The following SIK2 variants were observed in gnomAD, a reference collection of about 807,000 sequenced individuals.
SIK2 encodes the protein salt inducible kinase 2.
Under a neutral mutation model 103.2 loss-of-function variants are expected in SIK2, and 29 were observed. The observed-to-expected ratio is 0.28, with a 90% confidence interval of 0.21 to 0.38. The LOEUF is 0.38. Among genes scored for constraint, SIK2 ranks in the 10% least tolerant of loss-of-function variants. The pLI is 1.00. For missense variants in SIK2, 879 were observed against 1,171.0 expected, an observed-to-expected ratio of 0.75 and a Z score of 3.64; for synonymous variants, 412 against 446.1, an observed-to-expected ratio of 0.92 and a Z score of 0.96.
Position 111,722,852 on chromosome 11 carries a change from C to G in SIK2, c.2147+96C>G. 1 of 1,150,868 alleles carries G rather than the reference C, an allele frequency of 8.7e-7. No homozygotes were observed. The highest frequency in any genetic ancestry group is 1.4e-5 in the South Asian group (1 of 72,472). The allele number at this position is 1,150,868 out of a possible 1,614,324, so 71.3% of individuals were successfully genotyped here. On this transcript the variant is annotated intron_variant, in intron 14 of 14. Coordinates refer to ENST00000304987, the MANE Select transcript of SIK2 (RefSeq NM_015191.3). This position sits in a 1 kb window ranked among gnomAD's most constrained non-coding sequence, Gnocchi z 4.4. ...CCTTTTCCTCTCACATTCGCCACTA[C>G]TAGGAAAATAGGTTTTCTGCGTGTG... is the stretch of plus-strand genomic sequence containing the variant.
At chr11:111,653,697 GA>G (rs1477817992) in intron 3 of SIK2, among the ~76,000 whole-genome samples, 7 of 152,234 alleles carry the variant, frequency 4.6e-5, no homozygotes, top group African/African-American at 1.7e-4. Context: ...GTGGCACCAG[GA>G]CGGAGATTTA....
intron 3 of SIK2, among the ~76,000 whole-genome samples, chr11:111,676,616 C>T (rs1942706996): frequency 6.6e-6 from 1 of 152,042 alleles, no homozygotes; most frequent in Non-Finnish European, 1.5e-5. Flanking sequence ...GATATATTTG[C>T]CCTTTGATTT....
chr11:111,698,856 C>T (rs773673465), intron 4 of SIK2, among the ~76,000 whole-genome samples: 13 of 152,174 alleles, frequency 8.5e-5, no homozygotes, highest in Non-Finnish European at 1.6e-4. Context: ...AACACACATC[C>T]GAGAGCTTCT....
intron 3 of SIK2, among the ~76,000 whole-genome samples, chr11:111,642,952 C>T (rs149693368): frequency 8.1e-5 from 12 of 148,286 alleles, no homozygotes; most frequent in African/African-American, 2.8e-4. Flanking sequence ...ATAATTCCCT[C>T]ACCCTTATTT....
intron 3 of SIK2, among the ~76,000 whole-genome samples, chr11:111,651,864 A>G (rs1189493606): frequency 1.3e-5 from 2 of 152,132 alleles, no homozygotes; most frequent in Admixed American, 1.3e-4. Context: ...AGCCAGGAGG[A>G]CTTTGCAAGC....
intron 1 of SIK2, among the ~76,000 whole-genome samples, chr11:111,615,632 G>A (rs1941795987): frequency 6.6e-6 from 1 of 152,160 alleles, no homozygotes; most frequent in Non-Finnish European, 1.5e-5. Context: ...ATAACAGAAT[G>A]AAGTCACAGT....
chr11:111,634,839 G>A lies in SIK2; in HGVS notation c.316+14437G>A, dbSNP rs79154218. ...TTGACTGAACATGATCTGCTATGCA[G>A]ATTTACAGACAAACTTTGCTTCACA... On this transcript the variant is annotated intron_variant, in intron 3 of 14. Coordinates refer to ENST00000304987, the MANE Select transcript of SIK2 (RefSeq NM_015191.3). Among the ~76,000 whole-genome samples, 992 of 152,286 alleles carry A rather than the reference G, an allele frequency of 6.5e-3. 10 individuals are homozygous for A. The highest frequency in any genetic ancestry group is 0.022 in the African/African-American group (927 of 41,572).
intron 3 of SIK2, among the ~76,000 whole-genome samples, chr11:111,637,031 T>G (rs1420010937): frequency 3.9e-5 from 6 of 152,186 alleles, no homozygotes; most frequent in Non-Finnish European, 7.4e-5. Context: ...GTAGATGATT[T>G]ATTTCCCTAC....
intron 3 of SIK2, among the ~76,000 whole-genome samples, chr11:111,684,943 A>G (rs1942826381): frequency 6.6e-6 from 1 of 152,232 alleles, no homozygotes; most frequent in Non-Finnish European, 1.5e-5. Context: ...TAATATTTAG[A>G]ATATGGCTAA....
intron 9 of SIK2, among the ~76,000 whole-genome samples, chr11:111,718,502 C>A (rs1292420053): frequency 6.6e-6 from 1 of 152,202 alleles, no homozygotes; most frequent in Non-Finnish European, 1.5e-5. Context: ...CCCTGTAATG[C>A]ATTAGCCACC....
intron 4 of SIK2, among the ~76,000 whole-genome samples, chr11:111,692,817 T>A (rs1029942185): frequency 6.8e-6 from 1 of 146,812 alleles, no homozygotes; most frequent in African/African-American, 2.5e-5. Flanking sequence ...TTTTTCTGGG[T>A]TTTTTTTTTG....
At chr11:111,721,715 T>C in intron 12 of SIK2, 115 bp from the exon 13 acceptor site, 1 of 678,150 alleles carries the variant, frequency 1.5e-6, no homozygotes, top group South Asian at 2.2e-5. Flanking sequence ...TGAGTATTAA[T>C]AAGTCTCAGT....
At chr11:111,641,582 T>A (rs780296936) in intron 3 of SIK2, among the ~76,000 whole-genome samples, 1 of 152,228 alleles carries the variant, frequency 6.6e-6, no homozygotes, top group Non-Finnish European at 1.5e-5. Context: ...TAACCCTAAT[T>A]TAGTCCCTCA....
rs1224571803 is a variant in SIK2 at position 111,726,491 on chromosome 11, G to A, written c.*2362G>A. ...GATGCAGAGCGTGACCCCTCCTGCT[G>A]GGACCTGTGTTGTAAGCTCCTATTT... On this transcript the variant is annotated 3_prime_UTR_variant, in exon 15 of 15. Transcript: ENST00000304987. 6.3e-6 allele frequency: 1 copy of A among 158,158 alleles called. No homozygotes were observed. Among genetic ancestry groups the A allele is most frequent in the Non-Finnish European group, 1.4e-5 (1 of 71,224 alleles). The allele number at this position is 158,158 out of a possible 1,614,324, so 9.8% of individuals were successfully genotyped here. A position where few individuals can be genotyped will look rare whatever the true frequency, so the allele number is the denominator to read the frequency against.
In SIK2 at chr11:111,659,771, TA is replaced by T. The variant is rs768466268; in HGVS notation, c.317-28226del. On this transcript the variant is annotated intron_variant, in intron 3 of 14. Transcript: ENST00000304987. ...CTTCCTGAGCCATTAGCCTTTCAGC[TA>T]AAAGTAATAAAAACCTGATTCAAAT... Among the ~76,000 whole-genome samples the T allele has an allele frequency of 6.6e-5, 10 of 152,288 alleles. No individual in the cohort carries two copies. The South Asian group carries it at 1.2e-3, about 19-fold the overall frequency.
intron 3 of SIK2, among the ~76,000 whole-genome samples, chr11:111,668,457 GGGTTAA>G (rs1297860536): frequency 6.6e-6 from 1 of 152,156 alleles, no homozygotes; most frequent in Non-Finnish European, 1.5e-5. Context: ...TCTGTGTCAA[GGGTTAA>G]GGTTTGGTTT....
chr11:111,703,458 C>T, intron 7 of SIK2, 35 bp downstream of exon 7: 1 of 1,587,764 alleles, frequency 6.3e-7, no homozygotes, highest in Non-Finnish European at 8.6e-7. Flanking sequence ...TTCTACTGCA[C>T]TTAGCTACTT....
intron 3 of SIK2, among the ~76,000 whole-genome samples, chr11:111,653,032 G>A (rs1188189293): frequency 1.3e-5 from 2 of 152,100 alleles, no homozygotes; most frequent in East Asian, 3.9e-4. Flanking sequence ...AGATTCCTTG[G>A]GTATGGGATC....
chr11:111,618,329 A>C (rs570768947), intron 2 of SIK2, among the ~76,000 whole-genome samples: 17 of 152,284 alleles, frequency 1.1e-4, no homozygotes, highest in Non-Finnish European at 2.4e-4. Context: ...GGACTGCACC[A>C]GTCTGTGACC....
Sources: allele counts gnomAD v4.1 joint callset (sites outside exome capture counted in the v4.1 genomes callset), GRCh38; gene constraint gnomAD v4.1.1; non-coding constraint Gnocchi (gnomAD v3.1); transcripts MANE v1.5; gene names NCBI Gene and HGNC (gene_info 2026-07-23, HGNC 2026-07-21).